ASTN2: variants seen among roughly 807,000 people sequenced by gnomAD.
ASTN2 encodes the protein astrotactin-2.
In ASTN2, 54 loss-of-function variants were observed where a neutral mutation model predicts 139.8. The ratio of observed to expected loss-of-function variants is 0.39; its 90% CI spans 0.31 to 0.48. The LOEUF (loss-of-function observed/expected upper bound fraction) is 0.48. Ranked by LOEUF, ASTN2 falls within the 20% of genes least tolerant of loss-of-function variation. ASTN2 has a pLI of 0.95. For synonymous variants in ASTN2, 756 were observed against 719.5 expected (o/e 1.05, Z -0.81); for missense variants, 1,565 against 1,725.1 (o/e 0.91, Z 1.64).
chr9:116,617,657 C>A (rs1282478722), intron 19 of ASTN2, among the ~76,000 whole-genome samples: 2 of 152,060 alleles, frequency 1.3e-5, no homozygotes, highest in Non-Finnish European at 2.9e-5. Context: ...CCGTGCCTGG[C>A]ACACAAAAAA....
chr9:116,487,580 A>ATGGT, intron 19 of ASTN2, 80 bp from the exon 20 acceptor site: 5 of 1,371,952 alleles, frequency 3.6e-6, no homozygotes, highest in Non-Finnish European at 4.9e-6. Flanking sequence ...CAAACCTATC[A>ATGGT]AATGTCTTGA....
chr9:116,499,832 G>A (rs1160693372), intron 19 of ASTN2, among the ~76,000 whole-genome samples: 1 of 152,008 alleles, frequency 6.6e-6, no homozygotes, highest in Non-Finnish European at 1.5e-5. Flanking sequence ...AGAGATTCAG[G>A]GGACTGGTCA....
intron 7 of ASTN2, among the ~76,000 whole-genome samples, chr9:116,999,645 C>G (rs533025941): frequency 6.9e-6 from 1 of 145,858 alleles, no homozygotes; most frequent in Non-Finnish European, 1.5e-5. Context: ...CTGCAACCTT[C>G]GCCTCTCAGG....
chr9:117,044,851 C>T (rs1003552334), intron 5 of ASTN2, among the ~76,000 whole-genome samples: 4 of 152,296 alleles, frequency 2.6e-5, no homozygotes, highest in Admixed American at 2.0e-4. Context: ...ATGTTAGTGG[C>T]AAAGAATTAT....
At chr9:117,031,080 T>C (rs1564393035) in intron 6 of ASTN2, among the ~76,000 whole-genome samples, 1 of 152,166 alleles carries the variant, frequency 6.6e-6, no homozygotes, top group Non-Finnish European at 1.5e-5. Context: ...CCAATTTATA[T>C]TTCCCCTCTT....
chr9:116,694,983 C>G (rs1860771379), intron 16 of ASTN2, among the ~76,000 whole-genome samples: 1 of 152,104 alleles, frequency 6.6e-6, no homozygotes. Flanking sequence ...ATCAATCTAT[C>G]CCACTCTATA....
rs201743073 is a variant in ASTN2 at position 117,202,991 on chromosome 9, CT to C, written c.1015+11366del. ...TACTCCAATCAATTGTAGGTTTGGT[CT>C]TTTTATGAAGTACCACATTTCGTGC... On this transcript the variant is annotated intron_variant, in intron 3 of 22. Coordinates refer to ENST00000313400, the MANE Select transcript of ASTN2 (RefSeq NM_001365068.1). Among the ~76,000 whole-genome samples, 1,328 of 152,110 alleles carry C rather than the reference CT, an allele frequency of 8.7e-3. 25 individuals are homozygous for C. Among genetic ancestry groups the C allele is most frequent in the African/African-American group, 0.031 (1,266 of 41,502 alleles).
chr9:116,858,548 T>C (rs1832799654), intron 11 of ASTN2, among the ~76,000 whole-genome samples: 1 of 152,232 alleles, frequency 6.6e-6, no homozygotes, highest in African/African-American at 2.4e-5. Context: ...GATTAAAATT[T>C]TGCAGTGTTT....
chr9:117,207,108 G>A (rs1045141520), intron 3 of ASTN2, among the ~76,000 whole-genome samples: 1 of 152,046 alleles, frequency 6.6e-6, no homozygotes, highest in African/African-American at 2.4e-5. Flanking sequence ...TACATACCAG[G>A]CATGAAACAG....
intron 4 of ASTN2, among the ~76,000 whole-genome samples, chr9:117,106,125 TAG>T (rs1167811623): frequency 2.0e-5 from 3 of 152,212 alleles, no homozygotes; most frequent in Admixed American, 6.5e-5. Context: ...TTTGAAATGG[TAG>T]AGTCAGACTG....
chr9:117,399,555 C>G (rs1243852591), intron 1 of ASTN2, among the ~76,000 whole-genome samples: 1 of 152,100 alleles, frequency 6.6e-6, no homozygotes, highest in Non-Finnish European at 1.5e-5. Flanking sequence ...AGGCTATCTT[C>G]CATTTACTGA....
intron 20 of ASTN2, among the ~76,000 whole-genome samples, chr9:116,446,255 G>GGAGAGAGAGAGAGAGAGAGA (rs373227100): frequency 1.1e-4 from 13 of 114,010 alleles, no homozygotes; most frequent in East Asian, 2.9e-4. Flanking sequence ...GAGGGGAGAG[G>GGAGAGAGAGAGAGAGAGAGA]GAGAGAGAGA....
chr9:117,367,604 G>A (rs551750482), intron 1 of ASTN2, among the ~76,000 whole-genome samples: 3 of 152,066 alleles, frequency 2.0e-5, no homozygotes, highest in Non-Finnish European at 4.4e-5. Context: ...CCCTTCAGAC[G>A]GTAAGCTCCT....
At chr9:116,738,288 G>C (rs1828998593) in intron 13 of ASTN2, among the ~76,000 whole-genome samples, 3 of 151,930 alleles carry the variant, frequency 2.0e-5, no homozygotes, top group African/African-American at 7.3e-5. Flanking sequence ...ATCCCCTGAG[G>C]TCAGGAGTTC....
At chr9:116,946,379 C>T in intron 10 of ASTN2, among the ~76,000 whole-genome samples, 1 of 152,132 alleles carries the variant, frequency 6.6e-6, no homozygotes, top group Non-Finnish European at 1.5e-5. Context: ...TCAAAAGCAT[C>T]CTGGAACAAG....
chr9:116,695,931 A>G (rs994676127), intron 16 of ASTN2, among the ~76,000 whole-genome samples: 1 of 152,162 alleles, frequency 6.6e-6, no homozygotes, highest in Non-Finnish European at 1.5e-5. Context: ...GTCTTTGGCT[A>G]TCTCTGCTCT....
chr9:117,016,607 TA>T (rs1837688138), intron 6 of ASTN2, among the ~76,000 whole-genome samples: 1 of 3,650 alleles, frequency 2.7e-4, no homozygotes, highest in Non-Finnish European at 7.0e-4. Context: ...TATATATCTA[TA>T]TCTATATCTA....
chr9:117,104,240 A>G (rs1286705091), intron 4 of ASTN2, among the ~76,000 whole-genome samples: 2 of 152,232 alleles, frequency 1.3e-5, no homozygotes, highest in Admixed American at 6.5e-5. Context: ...TCAGGGAAAG[A>G]ATAAGAAATA....
At chr9:116,684,782 A>C (rs1035029107) in intron 16 of ASTN2, among the ~76,000 whole-genome samples, 6 of 152,188 alleles carry the variant, frequency 3.9e-5, no homozygotes, top group African/African-American at 1.4e-4. Context: ...CTTTAAGATT[A>C]AGGTGTTACA....
Sources: gnomAD v4.1 joint callset for allele counts (sites outside exome capture counted in the v4.1 genomes callset) on GRCh38, gnomAD v4.1.1 for gene constraint, MANE v1.5 for transcripts, NCBI Gene and HGNC (gene_info 2026-07-23, HGNC 2026-07-21) for gene names.